Variants in ANKRD11 observed in about 807,000 individuals in gnomAD.
The protein encoded by ANKRD11 is ankyrin repeat domain-containing protein 11.
Under a neutral mutation model 195.7 loss-of-function variants are expected in ANKRD11, and 17 were observed. The observed-to-expected ratio is 0.09, with a 90% CI of 0.06 to 0.13. The LOEUF (loss-of-function observed/expected upper bound fraction) is 0.13, where lower values mean the gene tolerates loss of function less well. Among genes scored for constraint, ANKRD11 ranks in the 10% least tolerant of loss-of-function variants. The pLI is 1.00. For synonymous variants in ANKRD11, 1,953 were observed against 1,528.1 expected (o/e 1.28, Z -6.49); for missense variants, 3,735 against 3,566.1 (o/e 1.05, Z -1.21).
At chr16:89,351,618 G>A (rs759837439) in intron 2 of ANKRD11, among the ~76,000 whole-genome samples, 1 of 152,218 alleles carries the variant, frequency 6.6e-6, no homozygotes, top group Non-Finnish European at 1.5e-5. Context: ...AGGCAATGCT[G>A]CTGTGGGCAC....
intron 1 of ANKRD11, among the ~76,000 whole-genome samples, chr16:89,484,952 C>G (rs904966650): frequency 6.6e-6 from 1 of 152,128 alleles, no homozygotes; most frequent in Non-Finnish European, 1.5e-5. Context: ...TCTCACCCTC[C>G]ACCAGCCACA....
intron 6 of ANKRD11, 29 bp from the exon 7 acceptor site, chr16:89,288,699 A>G: frequency 6.2e-7 from 1 of 1,613,718 alleles, no homozygotes; most frequent in East Asian, 2.2e-5. Context: ...GACGTACGTT[A>G]TTTAATCCTC....
In ANKRD11 at chr16:89,282,013, G is replaced by T. The variant is rs770592504; in HGVS notation, c.4529C>A (p.Pro1510Gln). Residue 1510 changes from proline to glutamine, a missense_variant, in exon 9 of 13, where the codon CCG becomes CAG. Pro to Gln is a moderately conservative substitution (Grantham distance 76). Coordinates refer to ENST00000301030, the MANE Select transcript of ANKRD11 (RefSeq NM_013275.6). Reference protein sequence around the residue: ...QKPATRDKDSPPRVLKDKSRD... With the variant: ...QKPATRDKDSQPRVLKDKSRD... ...GGACTTGTCTTTGAGCACGCGGGGC[G>T]GGCTGTCCTTGTCCCTGGTGGCGGG... 6.2e-7 allele frequency: 1 copy of T among 1,613,206 alleles called. No homozygotes were observed. Among genetic ancestry groups the T allele is most frequent in the African/African-American group, 1.3e-5 (1 of 74,896 alleles).
chr16:89,349,114 TAA>T (rs2039076551), intron 2 of ANKRD11, among the ~76,000 whole-genome samples: 1 of 22,080 alleles, frequency 4.5e-5, no homozygotes, highest in African/African-American at 2.1e-4. Flanking sequence ...GGGGACAGAG[TAA>T]AACACTGTCT....
chr16:89,305,665 TACCTCCCACTCCGCAGACACGCGCC>T (rs71158796), intron 3 of ANKRD11, among the ~76,000 whole-genome samples: 38,587 of 72,316 alleles, frequency 0.53, 14,271 homozygotes, highest in Middle Eastern at 0.7. Flanking sequence ...AGACACGCGC[TACCTCCCACTCCGCAGACACGCGCC>T]ACCTCCCACT....
intron 2 of ANKRD11, among the ~76,000 whole-genome samples, chr16:89,371,303 G>C (rs2040182068): frequency 6.6e-6 from 1 of 152,200 alleles, no homozygotes; most frequent in African/African-American, 2.4e-5. Flanking sequence ...TCACAGAACA[G>C]AAACAAATAA....
At chr16:89,489,416 TACC>T (rs2057734659) in intron 1 of ANKRD11, among the ~76,000 whole-genome samples, 1 of 8,644 alleles carries the variant, frequency 1.2e-4, no homozygotes, top group Non-Finnish European at 2.5e-4. Flanking sequence ...CCCGCCCGCC[TACC>T]CTCCCCCTAA....
At chr16:89,459,837 C>T (rs903086427) in intron 1 of ANKRD11, among the ~76,000 whole-genome samples, 1 of 151,060 alleles carries the variant, frequency 6.6e-6, no homozygotes, top group Non-Finnish European at 1.5e-5. Flanking sequence ...GGAGGCTGAG[C>T]CTGGAGGATC....
chr16:89,425,592 T>G (rs999657239), intron 1 of ANKRD11, among the ~76,000 whole-genome samples: 2 of 152,306 alleles, frequency 1.3e-5, no homozygotes, highest in Admixed American at 1.3e-4. Flanking sequence ...TCTCCTGACC[T>G]CGGTCGGTCT....
In ANKRD11 at chr16:89,418,294, G is replaced by C; in HGVS notation, c.-70C>G. The C allele has an allele frequency of 2.2e-6, 1 of 454,042 alleles. No homozygotes were observed. Among genetic ancestry groups the C allele is most frequent in the Non-Finnish European group, 4.4e-6 (1 of 226,726 alleles). The allele number at this position is 454,042 out of a possible 1,614,324, so 28.1% of individuals were successfully genotyped here. A position where few individuals can be genotyped will look rare whatever the true frequency, so the allele number is the denominator to read the frequency against. On this transcript the variant is annotated 5_prime_UTR_variant, in exon 2 of 13. Coordinates refer to ENST00000301030, the MANE Select transcript of ANKRD11 (RefSeq NM_013275.6). ...GCAGTGAGTATTTACCGATTCCATA[G>C]CTGAAAGTCAGTGCTGACGAGGACT...
intron 1 of ANKRD11, 140 bp from the exon 2 acceptor site, chr16:89,418,508 G>T: frequency 3.6e-6 from 1 of 274,448 alleles, no homozygotes; most frequent in South Asian, 3.4e-5. Flanking sequence ...TCAGCTCCTG[G>T]TCACTGTGCC....
At chr16:89,423,969 G>A (rs1237490272) in intron 1 of ANKRD11, among the ~76,000 whole-genome samples, 3 of 152,126 alleles carry the variant, frequency 2.0e-5, no homozygotes, top group Admixed American at 6.5e-5. Flanking sequence ...CTTGTAAGCG[G>A]GTAAGGGGAC....
At position 89,441,478 on chromosome 16, in the gene ANKRD11, G is replaced by A. The variant is rs560690135; in HGVS notation, c.-144-23110C>T. The stretch of plus-strand genomic sequence containing the variant: ...CAGAAAAAGAATTATTAAAAAATAC[G>A]CAAACCTGGCCGGGCGCGGTGGCTC... On this transcript the variant is annotated intron_variant, in intron 1 of 12. Coordinates refer to ENST00000301030, the MANE Select transcript of ANKRD11 (RefSeq NM_013275.6). Among the ~76,000 whole-genome samples, 9 of 151,390 alleles carry A rather than the reference G, an allele frequency of 5.9e-5. No individual in the cohort carries two copies. In the South Asian group the frequency reaches 1.7e-3, roughly 28 times the overall value.
Position 89,280,350 on chromosome 16 carries a change from G to C in ANKRD11, c.6192C>G (p.Ser2064=). 2 of 1,574,762 alleles carry C rather than the reference G, an allele frequency of 1.3e-6. No homozygotes were observed. Among genetic ancestry groups the C allele is most frequent in the East Asian group, 2.3e-5 (1 of 44,402 alleles). Reference sequence around the variant, plus strand: ...GAAGTGACTTGCAGTTGCTGAAGAAGGACTCCAGCCCGGAGGGAGGGGCGT... The same window carrying C: ...GAAGTGACTTGCAGTTGCTGAAGAACGACTCCAGCCCGGAGGGAGGGGCGT... The part of the protein sequence containing the change: ...APYAPPSGLE[S]FFSNCKSLPE... Residue 2064 remains serine (S), a synonymous_variant, in exon 9 of 13, where the codon TCC becomes TCG. Transcript: ENST00000301030.
At chr16:89,469,166 C>A (rs1047711940) in intron 1 of ANKRD11, among the ~76,000 whole-genome samples, 1 of 150,342 alleles carries the variant, frequency 6.7e-6, no homozygotes, top group Non-Finnish European at 1.5e-5. Context: ...GGCCACAGGG[C>A]GAGGCTCTGT....
At chr16:89,327,080 T>TGGGGAA (rs1567652859) in intron 2 of ANKRD11, among the ~76,000 whole-genome samples, 19 of 142,628 alleles carry the variant, frequency 1.3e-4, no homozygotes, top group South Asian at 4.6e-4. Flanking sequence ...AATGCAGAGG[T>TGGGGAA]TGGAAATGCA....
intron 2 of ANKRD11, among the ~76,000 whole-genome samples, chr16:89,375,348 G>T (rs1004301932): frequency 6.6e-6 from 1 of 152,242 alleles, no homozygotes; most frequent in African/African-American, 2.4e-5. Flanking sequence ...CAGCTACTCA[G>T]AAGGCTGAGA....
chr16:89,307,636 G>A (rs950204138), intron 3 of ANKRD11, among the ~76,000 whole-genome samples: 18 of 152,274 alleles, frequency 1.2e-4, no homozygotes, highest in East Asian at 5.8e-4. Context: ...AGGTCCTCCC[G>A]GCCCTCGGCC....
intron 2 of ANKRD11, chr16:89,320,204 C>T (rs796529520): frequency 8.5e-5 from 13 of 152,336 alleles, no homozygotes; most frequent in Admixed American, 6.5e-4. Context: ...TAGACAGTTC[C>T]GCAGCCCCTG....
Sources: allele counts gnomAD v4.1 joint callset (sites outside exome capture counted in the v4.1 genomes callset), GRCh38; gene constraint gnomAD v4.1.1; transcripts MANE v1.5; gene names NCBI Gene and HGNC (gene_info 2026-07-23, HGNC 2026-07-21).